Variants in CRPPA observed in about 807,000 individuals in gnomAD.
CRPPA encodes the protein D-ribitol-5-phosphate cytidylyltransferase.
CRPPA carries 43 observed loss-of-function variants against 52.0 expected under a neutral mutation model. The ratio of observed to expected loss-of-function variants is 0.83; its 90% CI spans 0.65 to 1.07. The LOEUF (loss-of-function observed/expected upper bound fraction) is 1.07, where lower values mean the gene tolerates loss of function less well. CRPPA is among the 50% of genes least tolerant of loss of function. The probability of loss-of-function intolerance (pLI) is 0.00; values close to 1 mark genes in which losing one functional copy is unlikely to be tolerated. For missense variants in CRPPA, 629 were observed against 551.7 expected, an observed-to-expected ratio of 1.14 and a Z score of -1.40; for synonymous variants, 250 against 203.5, an observed-to-expected ratio of 1.23 and a Z score of -1.94.
chr7:16,409,541 T>C (rs1188909710), intron 1 of CRPPA, among the ~76,000 whole-genome samples: 1 of 152,172 alleles, frequency 6.6e-6, no homozygotes, highest in Non-Finnish European at 1.5e-5. Context: ...GTATATGGCG[T>C]TTTAGAGATA....
chr7:16,389,889 G>A (rs1305330100), intron 2 of CRPPA, among the ~76,000 whole-genome samples: 2 of 82,054 alleles, frequency 2.4e-5, no homozygotes, highest in African/African-American at 1.1e-4. Flanking sequence ...TGTCAGCAAG[G>A]ATACAGAGAA....
intron 1 of CRPPA, among the ~76,000 whole-genome samples, chr7:16,407,485 A>T (rs1787982347): frequency 1.3e-5 from 2 of 152,220 alleles, no homozygotes; most frequent in African/African-American, 4.8e-5. Context: ...CTGAACAAAG[A>T]CTTAATTTTT....
intron 9 of CRPPA, among the ~76,000 whole-genome samples, chr7:16,189,952 T>A (rs1473807634): frequency 6.6e-6 from 1 of 152,154 alleles, no homozygotes; most frequent in African/African-American, 2.4e-5. Flanking sequence ...TTAACAAGTA[T>A]TTATCTCAGC....
At chr7:16,385,816 T>A (rs1787250931) in intron 2 of CRPPA, among the ~76,000 whole-genome samples, 1 of 152,188 alleles carries the variant, frequency 6.6e-6, no homozygotes, top group South Asian at 2.1e-4. Context: ...GTGTGGCTCA[T>A]CTGTTTGGCT....
At chr7:16,340,134 C>T (rs982435907) in intron 3 of CRPPA, among the ~76,000 whole-genome samples, 41 of 152,078 alleles carry the variant, frequency 2.7e-4, no homozygotes, top group Middle Eastern at 3.4e-3. Context: ...ATATAAAATA[C>T]ATAACTATAA....
At chr7:16,098,256 T>C (rs1226239612) in intron 9 of CRPPA, among the ~76,000 whole-genome samples, 2 of 152,194 alleles carry the variant, frequency 1.3e-5, no homozygotes, top group African/African-American at 4.8e-5. Flanking sequence ...CTATCCTCTA[T>C]ACACATCACT....
chr7:16,370,383 A>C (rs1786717166), intron 3 of CRPPA, among the ~76,000 whole-genome samples: 1 of 152,200 alleles, frequency 6.6e-6, no homozygotes, highest in African/African-American at 2.4e-5. Flanking sequence ...AGTCTGTGTC[A>C]GTCCCCTGCC....
At chr7:16,354,025 T>A (rs534911954) in intron 3 of CRPPA, among the ~76,000 whole-genome samples, 1 of 152,080 alleles carries the variant, frequency 6.6e-6, no homozygotes, top group South Asian at 2.1e-4. Flanking sequence ...ATAAAAGGAA[T>A]CAAGCAGCTA....
At chr7:16,318,026 C>T (rs1583514933) in intron 3 of CRPPA, among the ~76,000 whole-genome samples, 1 of 152,278 alleles carries the variant, frequency 6.6e-6, no homozygotes, top group South Asian at 2.1e-4. Flanking sequence ...TCTCTCATGG[C>T]TCCTCTGGAA....
intron 9 of CRPPA, among the ~76,000 whole-genome samples, chr7:16,186,510 C>T (rs139561975): frequency 0.01 from 1,526 of 152,150 alleles, 14 homozygotes; most frequent in Non-Finnish European, 0.016. Flanking sequence ...TTATAAGCCA[C>T]CTAATCTATG....
intron 4 of CRPPA, among the ~76,000 whole-genome samples, chr7:16,302,511 T>C (rs1442005863): frequency 6.6e-6 from 1 of 152,102 alleles, no homozygotes; most frequent in African/African-American, 2.4e-5. Context: ...TGACACAGTA[T>C]AAATAAGCTT....
chr7:16,266,885 T>C (rs950810308), intron 6 of CRPPA, among the ~76,000 whole-genome samples: 6 of 152,296 alleles, frequency 3.9e-5, no homozygotes, highest in Admixed American at 3.3e-4. Flanking sequence ...GATTATACTA[T>C]AACTAAAAGA....
intron 2 of CRPPA, among the ~76,000 whole-genome samples, chr7:16,405,025 G>A (rs1787918028): frequency 6.6e-6 from 1 of 151,932 alleles, no homozygotes; most frequent in Non-Finnish European, 1.5e-5. Context: ...ATGAAGTTAG[G>A]GAAAATTTCC....
rs1207220598 is a variant in CRPPA at position 16,091,668 on chromosome 7, T to C, written c.*27A>G. Reference sequence around the variant, plus strand: ...AATTAAGATACGCAAATAGATGTTTTAGAAAATAGGTAATTTTTTGTGTTC... The same window carrying C: ...AATTAAGATACGCAAATAGATGTTTCAGAAAATAGGTAATTTTTTGTGTTC... On this transcript the variant is annotated 3_prime_UTR_variant, in exon 10 of 10. Coordinates refer to ENST00000407010, the MANE Select transcript of CRPPA (RefSeq NM_001101426.4). The C allele has an allele frequency of 4.6e-6, 6 of 1,308,418 alleles. No homozygotes were observed. The highest frequency in any genetic ancestry group is 5.4e-6 in the Non-Finnish European group (5 of 930,632). 81.1% of individuals were successfully genotyped at this position (1,308,418 alleles called of 1,614,324 possible).
intron 8 of CRPPA, among the ~76,000 whole-genome samples, chr7:16,251,737 G>A (rs1783455121): frequency 1.3e-5 from 2 of 152,092 alleles, no homozygotes; most frequent in Admixed American, 1.3e-4. Context: ...AGTGTGTAGA[G>A]GGAAATTTAT....
At chr7:16,309,606 T>A (rs1784991690) in intron 3 of CRPPA, among the ~76,000 whole-genome samples, 1 of 152,154 alleles carries the variant, frequency 6.6e-6, no homozygotes, top group Non-Finnish European at 1.5e-5. Context: ...TAGACTAATT[T>A]TTTTTCTTCT....
At position 16,121,377 on chromosome 7, in the gene CRPPA, C is replaced by T. The variant is rs142701977; in HGVS notation, c.1252-29578G>A. On this transcript the variant is annotated intron_variant, in intron 9 of 9. Coordinates refer to ENST00000407010, the MANE Select transcript of CRPPA (RefSeq NM_001101426.4). ...ACACCTCCATAGCATGTATAACTTG[C>T]TTTCAGGAATAACCCCTCCACCTCC... is the stretch of plus-strand genomic sequence containing the variant. 1.5e-3 allele frequency among the ~76,000 whole-genome samples: 234 copies of T among 152,012 alleles called. No homozygotes were observed. In the East Asian group the frequency reaches 0.021, roughly 14 times the overall value.
At chr7:16,367,219 T>G (rs902748797) in intron 3 of CRPPA, among the ~76,000 whole-genome samples, 1 of 152,128 alleles carries the variant, frequency 6.6e-6, no homozygotes. Context: ...CTATACCCCT[T>G]GCTCCCTGTG....
At chr7:16,261,567 T>C (rs1044428296) in intron 6 of CRPPA, among the ~76,000 whole-genome samples, 2 of 151,510 alleles carry the variant, frequency 1.3e-5, no homozygotes, top group Non-Finnish European at 3.0e-5. Context: ...TAGATGAATA[T>C]GGGCAAGTAG....
Sources: gnomAD v4.1 joint callset for allele counts (sites outside exome capture counted in the v4.1 genomes callset) on GRCh38, gnomAD v4.1.1 for gene constraint, MANE v1.5 for transcripts, NCBI Gene and HGNC (gene_info 2026-07-23, HGNC 2026-07-21) for gene names.